The following TGFBR3 variants were observed in gnomAD, a reference collection of about 807,000 sequenced individuals.
TGFBR3 encodes the protein transforming growth factor beta receptor 3.
In TGFBR3, 46 loss-of-function variants were observed where a neutral mutation model predicts 87.9. The observed-to-expected ratio is 0.52, with a 90% confidence interval of 0.41 to 0.67. The LOEUF (loss-of-function observed/expected upper bound fraction) is 0.67. TGFBR3 is among the 30% of genes least tolerant of loss of function. The pLI is 0.00. For missense variants in TGFBR3, 866 were observed against 1,041.9 expected, an observed-to-expected ratio of 0.83 and a Z score of 2.32; for synonymous variants, 381 against 391.6, an observed-to-expected ratio of 0.97 and a Z score of 0.32.
intron 2 of TGFBR3, among the ~76,000 whole-genome samples, chr1:91,825,397 T>C (rs1002416491): frequency 6.6e-6 from 1 of 152,222 alleles, no homozygotes; most frequent in South Asian, 2.1e-4. Context: ...AGGCCACATA[T>C]GGCATGACTC....
intron 12 of TGFBR3, among the ~76,000 whole-genome samples, chr1:91,713,545 C>T (rs1217559538): frequency 4.6e-5 from 7 of 152,160 alleles, no homozygotes; most frequent in Admixed American, 1.3e-4. Flanking sequence ...GACCAACAGC[C>T]GCAGAATCAT....
At chr1:91,739,932 A>C (rs1158959087) in intron 4 of TGFBR3, among the ~76,000 whole-genome samples, 4 of 152,188 alleles carry the variant, frequency 2.6e-5, no homozygotes, top group African/African-American at 9.6e-5. Context: ...TTAAATAACC[A>C]GATCTCGTGG....
chr1:91,806,283 C>T (rs1410721654), intron 2 of TGFBR3, among the ~76,000 whole-genome samples: 1 of 152,144 alleles, frequency 6.6e-6, no homozygotes. Flanking sequence ...TGTCCTTTAG[C>T]TGCAACACAG....
intron 16 of TGFBR3, among the ~76,000 whole-genome samples, chr1:91,684,817 T>C (rs1671036375): frequency 6.6e-6 from 1 of 152,174 alleles, no homozygotes; most frequent in Non-Finnish European, 1.5e-5. Context: ...CTTTGAAAAG[T>C]CAGAGCATAA....
At chr1:91,882,580 T>C (rs1679136228) in intron 1 of TGFBR3, among the ~76,000 whole-genome samples, 1 of 151,830 alleles carries the variant, frequency 6.6e-6, no homozygotes, top group African/African-American at 2.4e-5. Flanking sequence ...CCGTCTCTAC[T>C]AAAAATACAA....
At chr1:91,765,583 G>C (rs1674149289) in intron 3 of TGFBR3, among the ~76,000 whole-genome samples, 1 of 152,130 alleles carries the variant, frequency 6.6e-6, no homozygotes, top group African/African-American at 2.4e-5. Flanking sequence ...GTGTAAGACA[G>C]CGTAGAATGG....
chr1:91,842,707 T>C lies in TGFBR3; in HGVS notation c.61+18764A>G, dbSNP rs534913787. Among the ~76,000 whole-genome samples the C allele has an allele frequency of 8.5e-5, 13 of 152,320 alleles. No individual in the cohort carries two copies. The South Asian group carries it at 2.7e-3, about 32-fold the overall frequency. On this transcript the variant is annotated intron_variant, in intron 2 of 16. Transcript: ENST00000212355. ...CTCTCTCCCCCTCTTTTCCTACACA[T>C]ATATATTGTCTAAATAAAGATTAAC... is the stretch of plus-strand genomic sequence containing the variant.
chr1:91,699,076 C>T (rs954705906), intron 14 of TGFBR3, among the ~76,000 whole-genome samples: 6 of 152,040 alleles, frequency 3.9e-5, no homozygotes, highest in South Asian at 2.1e-4. Context: ...GAAAAAAATC[C>T]ACACTCTTTA....
chr1:91,899,889 A>G (rs1344484043), intron 1 of TGFBR3, among the ~76,000 whole-genome samples: 1 of 152,044 alleles, frequency 6.6e-6, no homozygotes, highest in African/African-American at 2.4e-5. Context: ...GTTGAAGACT[A>G]TAGTGTGCTA....
chr1:91,757,560 GT>G (rs1397184087), intron 4 of TGFBR3, among the ~76,000 whole-genome samples: 2 of 152,080 alleles, frequency 1.3e-5, no homozygotes, highest in African/African-American at 4.8e-5. Context: ...TATTATGATG[GT>G]TGCAAAATGA....
At chr1:91,771,655 G>A (rs888736357) in intron 3 of TGFBR3, among the ~76,000 whole-genome samples, 3 of 143,370 alleles carry the variant, frequency 2.1e-5, no homozygotes, top group Non-Finnish European at 3.0e-5. Context: ...GCAGTGAGCC[G>A]AGATCGTGCC....
chr1:91,816,626 A>G (rs1676236539), intron 2 of TGFBR3, among the ~76,000 whole-genome samples: 1 of 152,196 alleles, frequency 6.6e-6, no homozygotes, highest in Admixed American at 6.5e-5. Flanking sequence ...ATGGGACTAT[A>G]TTTTGAAAAT....
chr1:91,682,359 C>T lies in TGFBR3; in HGVS notation c.*1380G>A, dbSNP rs28394336. The T allele has an allele frequency of 2.2e-6, 1 of 448,548 alleles. No homozygotes were observed. Among genetic ancestry groups the T allele is most frequent in the Non-Finnish European group, 4.4e-6 (1 of 226,008 alleles). 27.8% of individuals were successfully genotyped at this position (448,548 alleles called of 1,614,324 possible). ...AAAGAATAATTTGCAATGAAGCTAT[C>T]TTCAGCAGTAAAATAATTTAGCATG... is the stretch of plus-strand genomic sequence containing the variant. On this transcript the variant is annotated 3_prime_UTR_variant, in exon 17 of 17. Transcript: ENST00000212355.
At chr1:91,709,253 G>A (rs991005845) in intron 13 of TGFBR3, among the ~76,000 whole-genome samples, 3 of 152,164 alleles carry the variant, frequency 2.0e-5, no homozygotes, top group Admixed American at 1.3e-4. Context: ...AGTTGAAAAT[G>A]TGTTTAATAC....
chr1:91,700,580 G>C (rs1036671422), intron 14 of TGFBR3, among the ~76,000 whole-genome samples: 1 of 152,282 alleles, frequency 6.6e-6, no homozygotes, highest in South Asian at 2.1e-4. Flanking sequence ...GCCCTGGAAT[G>C]AGGATATATG....
chr1:91,847,468 TAGTGCATG>T lies in TGFBR3; in HGVS notation c.61+13995_61+14002del, dbSNP rs201171198. Among the ~76,000 whole-genome samples the T allele has an allele frequency of 7.4e-3, 1,126 of 151,800 alleles. 14 individuals carry two copies. Among genetic ancestry groups the T allele is most frequent in the African/African-American group, 0.026 (1,063 of 41,378 alleles). ...AAAATACAAAATTAGCCAGGCGTGG[TAGTGCATG>T]CCTGTAATCCCAGCTACTCGGGAGG... On this transcript the variant is annotated intron_variant, in intron 2 of 16. Transcript: ENST00000212355.
rs17886177 is a variant in TGFBR3, at chr1:91,796,540, C to T, written c.246+747G>A. Reference sequence around the variant, plus strand: ...GGATTTTCAGGCAAGTACAAAGTACCGCCATCTTTATTCCAGAGTGTTCCC... The same window carrying T: ...GGATTTTCAGGCAAGTACAAAGTACTGCCATCTTTATTCCAGAGTGTTCCC... On this transcript the variant is annotated intron_variant, in intron 3 of 16. Transcript: ENST00000212355. Among the ~76,000 whole-genome samples the T allele has an allele frequency of 5.8e-3, 885 of 152,250 alleles. 9 individuals carry two copies. Among genetic ancestry groups the T allele is most frequent in the African/African-American group, 0.021 (858 of 41,534 alleles).
chr1:91,685,828 A>G (rs1671074030), intron 16 of TGFBR3, among the ~76,000 whole-genome samples: 1 of 152,146 alleles, frequency 6.6e-6, no homozygotes, highest in African/African-American at 2.4e-5. Flanking sequence ...TCAAAACAAA[A>G]ACAACCTCCA....
chr1:91,695,592 C>A, intron 16 of TGFBR3, 80 bp downstream of exon 16: 2 of 1,127,076 alleles, frequency 1.8e-6, no homozygotes, highest in Middle Eastern at 1.9e-4. Flanking sequence ...TTCGTTATTT[C>A]ATCCAACAAA....
Sources: gnomAD v4.1 joint callset for allele counts (sites outside exome capture counted in the v4.1 genomes callset) on GRCh38, gnomAD v4.1.1 for gene constraint, MANE v1.5 for transcripts, NCBI Gene and HGNC (gene_info 2026-07-23, HGNC 2026-07-21) for gene names.